KCNN2: variants seen among roughly 807,000 people sequenced by gnomAD.
KCNN2 encodes small conductance calcium-activated potassium channel protein 2.
Under a neutral mutation model 55.5 loss-of-function variants are expected in KCNN2, and 24 were observed. The observed-to-expected ratio is 0.43, with a 90% CI of 0.31 to 0.61. KCNN2 has a LOEUF of 0.61. KCNN2 is among the 20% of genes least tolerant of loss of function. The pLI, the probability that KCNN2 is intolerant of heterozygous loss-of-function variation, is 0.08. For synonymous variants in KCNN2, 431 were observed against 336.1 expected, an observed-to-expected ratio of 1.28 and a Z score of -3.09; for missense variants, 754 against 853.6, an observed-to-expected ratio of 0.88 and a Z score of 1.45.
At chr5:114,489,351 A>C (rs923576667) in intron 6 of KCNN2, among the ~76,000 whole-genome samples, 6 of 152,144 alleles carry the variant, frequency 3.9e-5, no homozygotes, top group Non-Finnish European at 8.8e-5. Flanking sequence ...CAAGTTGCAA[A>C]TGCACCCTAC....
rs143705191 is a variant in KCNN2 at position 114,149,955 on chromosome 5, G to A, written c.-270-71525G>A. 4.8e-3 allele frequency among the ~76,000 whole-genome samples: 726 copies of A among 152,246 alleles called. 5 individuals carry two copies. The highest frequency in any genetic ancestry group is 0.01 in the Admixed American group (153 of 15,286). ...ATGAACAGGTGCCCCTCATGCGTCC[G>A]TTTATAGGCTCTCCACAAGGGTCGC... On this transcript the variant is annotated intron_variant, in intron 1 of 10. Coordinates refer to the KCNN2 transcript ENST00000512097.
chr5:114,147,529 G>A (rs541256452), intron 1 of KCNN2, among the ~76,000 whole-genome samples: 1 of 152,184 alleles, frequency 6.6e-6, no homozygotes, highest in Non-Finnish European at 1.5e-5. Context: ...CTGCAGGACA[G>A]TGGATGAAAG....
intron 2 of KCNN2, among the ~76,000 whole-genome samples, chr5:114,282,153 TTTTA>T (rs1755637322): frequency 1.3e-5 from 2 of 152,126 alleles, no homozygotes; most frequent in African/African-American, 4.8e-5. Flanking sequence ...AGGTTTCATT[TTTTA>T]TTTATTAATT....
chr5:114,418,714 A>G (rs571101707), intron 3 of KCNN2, among the ~76,000 whole-genome samples: 2 of 152,288 alleles, frequency 1.3e-5, no homozygotes, highest in Admixed American at 6.5e-5. Flanking sequence ...GAAACTGTCC[A>G]TGTGCTAAGA....
chr5:114,139,456 A>ACC (rs773046400), intron 1 of KCNN2, among the ~76,000 whole-genome samples: 22 of 104,690 alleles, frequency 2.1e-4, no homozygotes, highest in African/African-American at 3.3e-4. Context: ...CACTCACACA[A>ACC]CCACCCCCCC....
At chr5:114,405,446 A>G (rs1288090951) in intron 3 of KCNN2, among the ~76,000 whole-genome samples, 1 of 152,208 alleles carries the variant, frequency 6.6e-6, no homozygotes, top group Non-Finnish European at 1.5e-5. Context: ...GTCTAGACCT[A>G]GGCATATATT....
At chr5:114,127,176 C>G (rs1751952975) in intron 1 of KCNN2, among the ~76,000 whole-genome samples, 1 of 152,064 alleles carries the variant, frequency 6.6e-6, no homozygotes, top group Non-Finnish European at 1.5e-5. Flanking sequence ...AGGATGGTGG[C>G]CCTCTTCTCA....
At chr5:114,286,724 T>G (rs1285770248) in intron 2 of KCNN2, among the ~76,000 whole-genome samples, 1 of 152,182 alleles carries the variant, frequency 6.6e-6, no homozygotes, top group Admixed American at 6.6e-5. Flanking sequence ...GAAATAAAGA[T>G]GACAATGAGT....
chr5:114,271,038 C>T (rs1324235769), intron 2 of KCNN2, among the ~76,000 whole-genome samples: 1 of 152,120 alleles, frequency 6.6e-6, no homozygotes, highest in Non-Finnish European at 1.5e-5. Context: ...AAGAACAAAG[C>T]TTCCACAGCG....
At chr5:114,363,858 T>A in intron 1 of KCNN2, 48 bp from the exon 2 acceptor site, 3 of 1,458,016 alleles carry the variant, frequency 2.1e-6, no homozygotes, top group Non-Finnish European at 2.9e-6. Flanking sequence ...TGGAAGGCGG[T>A]TAAAAGTGCT....
At chr5:114,312,647 A>G (rs979965519) in intron 2 of KCNN2, among the ~76,000 whole-genome samples, 1 of 151,740 alleles carries the variant, frequency 6.6e-6, no homozygotes, top group Non-Finnish European at 1.5e-5. Flanking sequence ...GAGGTATGTA[A>G]GCTATCCTTG....
rs181878304 is a variant in KCNN2 at position 114,340,173 on chromosome 5, A to G, written c.-184-20772A>G. Among the ~76,000 whole-genome samples, 26 of 152,298 alleles carry G rather than the reference A, an allele frequency of 1.7e-4. No individual in the cohort carries two copies. The East Asian group carries it at 4.0e-3, about 24-fold the overall frequency. On this transcript the variant is annotated intron_variant, in intron 2 of 10. Coordinates refer to the KCNN2 transcript ENST00000512097. ...TTAAAAATTTTAATTGAGTCTATCA[A>G]TTTTGTTGATTGAATCTCCCAACAT...
intron 2 of KCNN2, among the ~76,000 whole-genome samples, chr5:114,308,369 A>G (rs1032918028): frequency 2.6e-5 from 4 of 152,200 alleles, no homozygotes; most frequent in African/African-American, 9.6e-5. Flanking sequence ...AAGTGATTCT[A>G]AAGAGTGGGA....
At chr5:114,484,663 G>A (rs1271511193) in intron 5 of KCNN2, among the ~76,000 whole-genome samples, 1 of 152,100 alleles carries the variant, frequency 6.6e-6, no homozygotes, top group Admixed American at 6.6e-5. Flanking sequence ...ACACATCTCA[G>A]TAATAGGCAG....
intron 1 of KCNN2, among the ~76,000 whole-genome samples, chr5:114,129,252 A>C (rs1752000435): frequency 6.6e-6 from 1 of 152,164 alleles, no homozygotes; most frequent in Non-Finnish European, 1.5e-5. Context: ...CCCAGCTGGT[A>C]TCCAAAGTAA....
intron 3 of KCNN2, among the ~76,000 whole-genome samples, chr5:114,441,011 A>G (rs1760185745): frequency 6.6e-6 from 1 of 152,184 alleles, no homozygotes; most frequent in Non-Finnish European, 1.5e-5. Flanking sequence ...TACAACAGGC[A>G]ACTACTTACC....
rs557791336 is a variant in KCNN2, at chr5:114,080,669, AGT to A, written c.-271+24170_-271+24171del. On this transcript the variant is annotated intron_variant, in intron 1 of 10. Transcript: ENST00000512097. The stretch of plus-strand genomic sequence containing the variant: ...TAAAAACACTAAACATAGTAAGAAT[AGT>A]AGGAACTATCTCAACATAATAAAAA... Among the ~76,000 whole-genome samples, 61 of 152,338 alleles carry A rather than the reference AGT, an allele frequency of 4.0e-4. 1 individual carries two copies. In the East Asian group the frequency reaches 0.011, roughly 28 times the overall value.
At position 114,449,908 on chromosome 5, in the gene KCNN2, A is replaced by ACACACACACACACACGCGCGCG. The variant is rs1309590184; in HGVS notation, c.1638-13140_1638-13139insACACACACACACACGCGCGCGC. Among the ~76,000 whole-genome samples the ACACACACACACACACGCGCGCG allele has an allele frequency of 1.0e-3, 67 of 66,136 alleles. No individual in the cohort carries two copies. In the East Asian group the frequency reaches 0.022, roughly 22 times the overall value. 43.4% of individuals were successfully genotyped at this position (66,136 alleles called of 152,430 possible). On this transcript the variant is annotated intron_variant, in intron 3 of 7. Coordinates refer to ENST00000673685, the MANE Select transcript of KCNN2 (RefSeq NM_021614.4). Reference sequence around the variant, plus strand: ...CACACACACACACACACACACACACACGCGCGCGCTCGCGTGCGCGCACTC... The same window carrying ACACACACACACACACGCGCGCG: ...CACACACACACACACACACACACACACACACACACACACACGCGCGCGCGCGCGCGCTCGCGTGCGCGCACTC...
At chr5:114,272,750 T>C (rs1478953389) in intron 2 of KCNN2, among the ~76,000 whole-genome samples, 1 of 152,166 alleles carries the variant, frequency 6.6e-6, no homozygotes, top group African/African-American at 2.4e-5. Context: ...TTATACCCAG[T>C]TCCCTTACTG....
Sources: gnomAD v4.1 joint callset for allele counts (sites outside exome capture counted in the v4.1 genomes callset) on GRCh38, gnomAD v4.1.1 for gene constraint, MANE v1.5 for transcripts, NCBI Gene and HGNC (gene_info 2026-07-23, HGNC 2026-07-21) for gene names.